The following AGFG1 variants were observed in gnomAD, a reference collection of about 807,000 sequenced individuals.
AGFG1 encodes arf-GAP domain and FG repeat-containing protein 1.
Under a neutral mutation model 60.6 loss-of-function variants are expected in AGFG1, and 10 were observed. The ratio of observed to expected loss-of-function variants is 0.16; its 90% CI spans 0.10 to 0.28. AGFG1 has a LOEUF of 0.28. Among genes scored for constraint, AGFG1 ranks in the 10% least tolerant of loss-of-function variants. The pLI, the probability that AGFG1 is intolerant of heterozygous loss-of-function variation, is 1.00. For missense variants in AGFG1, 537 were observed against 676.5 expected (o/e 0.79, Z 2.29); for synonymous variants, 247 against 242.9 (o/e 1.02, Z -0.16).
intron 2 of AGFG1, among the ~76,000 whole-genome samples, chr2:227,516,253 C>G (rs1463559663): frequency 6.6e-6 from 1 of 152,230 alleles, no homozygotes; most frequent in Admixed American, 6.5e-5. Context: ...ACTGATTTCA[C>G]ATGTCTTGGG....
intron 10 of AGFG1, among the ~76,000 whole-genome samples, chr2:227,547,016 A>G (rs34741105): frequency 0.072 from 10,978 of 152,306 alleles, 530 homozygotes; most frequent in Admixed American, 0.11. Flanking sequence ...AAGGTTCAAA[A>G]TTCAGTAATG....
chr2:227,557,408 T>G lies in AGFG1; in HGVS notation c.*2913T>G, dbSNP rs1693004866. On this transcript the variant is annotated 3_prime_UTR_variant, in exon 13 of 13. Transcript: ENST00000310078. ...CGCCCCCCTGCACACACACCCACTT[T>G]AGTACAGTTCCTGTCAATTGGCAAC... The G allele has an allele frequency of 6.6e-6, 1 of 152,190 alleles. No individual in the cohort carries two copies. Among genetic ancestry groups the G allele is most frequent in the Non-Finnish European group, 1.5e-5 (1 of 68,048 alleles). The allele number at this position is 152,190 out of a possible 1,614,324, so 9.4% of individuals were successfully genotyped here.
At chr2:227,498,809 A>G (rs1386362135) in intron 2 of AGFG1, among the ~76,000 whole-genome samples, 2 of 152,208 alleles carry the variant, frequency 1.3e-5, no homozygotes, top group Non-Finnish European at 2.9e-5. Context: ...TTTACATTAC[A>G]TATTCCAGGT....
chr2:227,552,286 T>C (rs1024332756), intron 11 of AGFG1, among the ~76,000 whole-genome samples, 169 bp downstream of exon 11: 1 of 152,242 alleles, frequency 6.6e-6, no homozygotes, highest in East Asian at 1.9e-4. Flanking sequence ...GAAAGCTAAG[T>C]GATTTTACAA....
chr2:227,526,592 G>GTGTGC (rs1692002636), intron 5 of AGFG1, among the ~76,000 whole-genome samples: 2 of 138,706 alleles, frequency 1.4e-5, no homozygotes, highest in African/African-American at 5.5e-5. Context: ...GTTCACACTG[G>GTGTGC]TGTGCAGTGG....
At position 227,523,440 on chromosome 2, in the gene AGFG1, A is replaced by G. The variant is rs1323030944; in HGVS notation, c.378-323A>G. ...ATTATAGTATGAACTATTCATGGTG[A>G]TGACTAATTGTAGGTCCTCTGTTTA... On this transcript the variant is annotated intron_variant, in intron 3 of 12. Transcript: ENST00000310078. Among the ~76,000 whole-genome samples, 4 of 152,292 alleles carry G rather than the reference A, an allele frequency of 2.6e-5. No homozygotes were observed. The East Asian group carries it at 5.8e-4, about 22-fold the overall frequency.
intron 1 of AGFG1, among the ~76,000 whole-genome samples, chr2:227,481,859 A>G (rs1305541506): frequency 1.4e-5 from 2 of 140,914 alleles, no homozygotes; most frequent in African/African-American, 2.6e-5. Context: ...GATTTTGTCC[A>G]CTACTTTTTT....
At chr2:227,508,460 G>T in intron 2 of AGFG1, 1 of 319,318 alleles carries the variant, frequency 3.1e-6, no homozygotes. Context: ...CTACTCCCTT[G>T]CTCAACTCCT....
chr2:227,531,873 A>G (rs1692171677), intron 6 of AGFG1, among the ~76,000 whole-genome samples: 1 of 152,200 alleles, frequency 6.6e-6, no homozygotes, highest in Non-Finnish European at 1.5e-5. Context: ...AAATTTTTAT[A>G]TGTTTATTAG....
chr2:227,503,948 G>T (rs575355197), intron 2 of AGFG1, among the ~76,000 whole-genome samples: 1 of 152,156 alleles, frequency 6.6e-6, no homozygotes, highest in East Asian at 1.9e-4. Context: ...ACTAAAGGTG[G>T]GACCTGAGGT....
chr2:227,481,959 G>A (rs143239804), intron 1 of AGFG1, among the ~76,000 whole-genome samples: 3,745 of 148,994 alleles, frequency 0.025, 65 homozygotes, highest in South Asian at 0.05. Flanking sequence ...TCTGCCTCCC[G>A]GGTTCACGCC....
intron 11 of AGFG1, among the ~76,000 whole-genome samples, chr2:227,552,727 C>T (rs186331121): frequency 1.5e-4 from 22 of 147,228 alleles, no homozygotes; most frequent in African/African-American, 4.3e-4. Flanking sequence ...ATGGGCTGGG[C>T]GTGGTGGCTT....
intron 2 of AGFG1, among the ~76,000 whole-genome samples, chr2:227,497,165 T>TCCCCCC (rs11422803): frequency 1.7e-4 from 24 of 137,452 alleles, no homozygotes; most frequent in East Asian, 4.8e-4. Flanking sequence ...CACCCCCTCT[T>TCCCCCC]CCCCCCCCAC....
rs547605021 is a variant in AGFG1 at position 227,492,037 on chromosome 2, C to T, written c.261+397C>T. 9.9e-5 allele frequency among the ~76,000 whole-genome samples: 15 copies of T among 152,032 alleles called. No individual in the cohort carries two copies. In the South Asian group the frequency reaches 2.7e-3, roughly 27 times the overall value. On this transcript the variant is annotated intron_variant, in intron 2 of 12. Transcript: ENST00000310078. ...CTTTCACTTGAAGTCCTCTATTTTT[C>T]GTAAATTTTTAACTTTGGACGTGTA... is the stretch of plus-strand genomic sequence containing the variant.
chr2:227,497,730 GTTTTGT>G lies in AGFG1; in HGVS notation c.261+6095_261+6100del, dbSNP rs1295177838. Among the ~76,000 whole-genome samples the G allele has an allele frequency of 1.5e-3, 60 of 38,924 alleles. 9 individuals carry two copies. Among genetic ancestry groups the G allele is most frequent in the Non-Finnish European group, 2.2e-3 (41 of 18,528 alleles). The allele number at this position is 38,924 out of a possible 152,430, so 25.5% of individuals were successfully genotyped here. On this transcript the variant is annotated intron_variant, in intron 2 of 12. Coordinates refer to ENST00000310078, the MANE Select transcript of AGFG1 (RefSeq NM_004504.5). Reference sequence around the variant, plus strand: ...ATATAGCCAAATGAGTTTCTTTCTTGTTTTGTTTTTTTTTTTTTTTTTTTTTTTTTT... The same window carrying G: ...ATATAGCCAAATGAGTTTCTTTCTTGTTTTTTTTTTTTTTTTTTTTTTTTT...
At chr2:227,531,596 ATT>A (rs35965525) in intron 6 of AGFG1, among the ~76,000 whole-genome samples, 135 of 130,536 alleles carry the variant, frequency 1.0e-3, no homozygotes, top group Middle Eastern at 3.7e-3. Context: ...TCCCAGCTAA[ATT>A]TTTTTTTTTT....
At position 227,557,313 on chromosome 2, in the gene AGFG1, C is replaced by A. The variant is rs762233947; in HGVS notation, c.*2818C>A. On this transcript the variant is annotated 3_prime_UTR_variant, in exon 13 of 13. Transcript: ENST00000310078. ...TGTGAAAATAGAGTTTTGGTAATCA[C>A]TTTCTTCCTCAAAATAAGTCCTTCT... 4 of 152,120 alleles carry A rather than the reference C, an allele frequency of 2.6e-5. No individual in the cohort carries two copies. Among genetic ancestry groups the A allele is most frequent in the Non-Finnish European group, 4.4e-5 (3 of 68,024 alleles). The allele number at this position is 152,120 out of a possible 1,614,324, so 9.4% of individuals were successfully genotyped here. A position where few individuals can be genotyped will look rare whatever the true frequency, so the allele number is the denominator to read the frequency against.
intron 2 of AGFG1, among the ~76,000 whole-genome samples, chr2:227,504,223 T>C (rs1035151032): frequency 1.4e-4 from 21 of 150,516 alleles, no homozygotes; most frequent in African/African-American, 4.9e-4. Context: ...GGGTCTCAAC[T>C]TCCGTCACTC....
chr2:227,549,007 T>TA (rs1692738802), intron 10 of AGFG1, among the ~76,000 whole-genome samples: 4 of 98,396 alleles, frequency 4.1e-5, no homozygotes, highest in Admixed American at 1.1e-4. Context: ...CTCCCTCAGT[T>TA]AACCTTTTTT....
Sources: gnomAD v4.1 joint callset for allele counts (sites outside exome capture counted in the v4.1 genomes callset) on GRCh38, gnomAD v4.1.1 for gene constraint, MANE v1.5 for transcripts, NCBI Gene and HGNC (gene_info 2026-07-23, HGNC 2026-07-21) for gene names.